The following DGKZ variants were observed in gnomAD, a reference collection of about 807,000 sequenced individuals.
DGKZ encodes the protein DAG kinase zeta.
In DGKZ, 45 loss-of-function variants were observed where a neutral mutation model predicts 142.5. The observed-to-expected ratio is 0.32, with a 90% CI of 0.25 to 0.40. The LOEUF (loss-of-function observed/expected upper bound fraction) is 0.40. Among genes scored for constraint, DGKZ ranks in the 10% least tolerant of loss-of-function variants. The pLI, the probability that DGKZ is intolerant of heterozygous loss-of-function variation, is 1.00. For missense variants in DGKZ, 755 were observed against 1,306.5 expected (o/e 0.58, Z 6.51); for synonymous variants, 442 against 527.0 (o/e 0.84, Z 2.21).
rs144108768 is a variant in DGKZ, at chr11:46,357,852, G to C, written c.162-9439G>C. ...CAGGTAGAGAGGGAGGCCAGTATTC[G>C]GGGCAGAAGGTGTGCCAGGTGCGGC... On this transcript the variant is annotated intron_variant, in intron 1 of 30. Transcript: ENST00000527911. 3.3e-5 allele frequency among the ~76,000 whole-genome samples: 5 copies of C among 152,354 alleles called. No homozygotes were observed. The South Asian group carries it at 1.0e-3, about 32-fold the overall frequency.
rs762898941 is a variant in DGKZ, at chr11:46,367,864, G to A, written c.366+117G>A. 9.2e-6 allele frequency: 14 copies of A among 1,513,814 alleles called. No individual in the cohort carries two copies. Among genetic ancestry groups the A allele is most frequent in the Non-Finnish European group, 9.1e-6 (10 of 1,093,528 alleles). 93.8% of individuals were successfully genotyped at this position (1,513,814 alleles called of 1,614,324 possible). ...CCCCTGCTGTGGGCCGCCCCAGGAT[G>A]GTGAGGGGTGCAGGGGCTTTGTCCG... On this transcript the variant is annotated intron_variant, in intron 3 of 30. Transcript: ENST00000527911. This position sits in a 1 kb window ranked among gnomAD's most constrained non-coding sequence, Gnocchi z 4.1.
chr11:46,370,095 G>T lies in DGKZ; in HGVS notation c.570+86G>T. On this transcript the variant is annotated intron_variant, in intron 6 of 30. Transcript: ENST00000527911. ...TGGCCGGTGTGGCCTGCCGATCACT[G>T]ACCACACCCTGGTGTGCAGAGTCCG... 1.9e-6 allele frequency: 3 copies of T among 1,542,296 alleles called. No homozygotes were observed. The South Asian group carries it at 3.4e-5, about 17-fold the overall frequency.
rs200788590 is a variant in DGKZ at position 46,368,091 on chromosome 11, G to C, written c.444+12G>C. On this transcript the variant is annotated intron_variant, in intron 4 of 30. Transcript: ENST00000527911. ...AGCAGCTGGAGAAGGTGGGTGGGTA[G>C]CTCAGCTTTGCCCGCCCCTGCCCTT... The C allele has an allele frequency of 5.0e-6, 8 of 1,613,942 alleles. No homozygotes were observed. In the African/African-American group the frequency reaches 9.3e-5, roughly 19 times the overall value.
chr11:46,366,345 C>T, intron 1 of DGKZ: 1 of 1,548,420 alleles, frequency 6.5e-7, no homozygotes, highest in Admixed American at 1.9e-5. Flanking sequence ...GGGCTGCCCA[C>T]AGGCAAGGCC....
upstream of DGKZ, among the ~76,000 whole-genome samples, chr11:46,342,672 A>G (rs547293175): frequency 6.6e-6 from 1 of 152,330 alleles, no homozygotes; most frequent in East Asian, 1.9e-4. Context: ...CCTTGGGGGC[A>G]TTACATGGCC....
chr11:46,366,338 C>A, intron 1 of DGKZ: 1 of 1,559,276 alleles, frequency 6.4e-7, no homozygotes, highest in Non-Finnish European at 8.6e-7. Flanking sequence ...CAGCGTGGGG[C>A]TGCCCACAGG....
intron 1 of DGKZ, among the ~76,000 whole-genome samples, chr11:46,355,269 C>T (rs1055607887): frequency 9.9e-5 from 15 of 152,110 alleles, no homozygotes; most frequent in African/African-American, 3.1e-4. Context: ...CCACCACGCC[C>T]GGCTAATTTT....
At chr11:46,333,205 C>T in exon 1 of DGKZ, 2 of 1,200,536 alleles carry the variant, frequency 1.7e-6, no homozygotes, top group Non-Finnish European at 2.1e-6. Context: ...CCGGCCCGGG[C>T]GGACTGGAGA....
At chr11:46,334,732 C>T (rs952493361) in intron 1 of DGKZ, among the ~76,000 whole-genome samples, 5 of 152,306 alleles carry the variant, frequency 3.3e-5, no homozygotes, top group East Asian at 1.9e-4. Flanking sequence ...TCTTCCAGAA[C>T]ACCACGCCCA....
intron 1 of DGKZ, among the ~76,000 whole-genome samples, chr11:46,339,334 A>G (rs1393515305): frequency 1.3e-5 from 2 of 152,266 alleles, no homozygotes; most frequent in South Asian, 4.1e-4. Context: ...TCCTGAATTA[A>G]CAATGCAAAA....
At chr11:46,339,290 G>A (rs980291845) in intron 1 of DGKZ, among the ~76,000 whole-genome samples, 7 of 152,354 alleles carry the variant, frequency 4.6e-5, no homozygotes, top group East Asian at 1.9e-4. Flanking sequence ...ATAGCAACAG[G>A]ATAAAGCAAG....
chr11:46,357,105 T>A (rs185868255), intron 1 of DGKZ, among the ~76,000 whole-genome samples: 2 of 152,198 alleles, frequency 1.3e-5, no homozygotes, highest in East Asian at 1.9e-4. Context: ...AGGAATGGGT[T>A]GGTCATTTGT....
intron 5 of DGKZ, 83 bp from the exon 6 acceptor site, chr11:46,369,858 G>C: frequency 3.4e-6 from 5 of 1,459,242 alleles, no homozygotes; most frequent in Non-Finnish European, 4.8e-6. Context: ...CTGCAGCCCC[G>C]TGTGTTGAGC....
chr11:46,374,856 C>T lies in DGKZ; in HGVS notation c.1598+17C>T, dbSNP rs187405755. 7 of 1,585,214 alleles carry T rather than the reference C, an allele frequency of 4.4e-6. No individual in the cohort carries two copies. Among genetic ancestry groups the T allele is most frequent in the East Asian group, 2.2e-5 (1 of 44,468 alleles). On this transcript the variant is annotated intron_variant, in intron 18 of 30. Transcript: ENST00000527911. ...CATCCCCAGGTGAGGAGGGGGCTAC[C>T]GGAGCTGGGGGGAGCCCTGCTGTCC...
upstream of DGKZ, chr11:46,345,578 C>T (rs891235996): frequency 4.0e-5 from 61 of 1,524,758 alleles, no homozygotes; most frequent in Non-Finnish European, 5.3e-5. This position sits in a 1 kb window ranked among gnomAD's most constrained non-coding sequence, Gnocchi z 4.1. Context: ...AGAGGCACCC[C>T]AGACACAGTA....
intron 1 of DGKZ, among the ~76,000 whole-genome samples, chr11:46,340,843 C>T (rs930311633): frequency 1.3e-5 from 2 of 152,202 alleles, no homozygotes; most frequent in African/African-American, 4.8e-5. Context: ...GGGAGGCATG[C>T]ACTTAAACTT....
At chr11:46,370,468 T>C (rs1017131790) in intron 6 of DGKZ, among the ~76,000 whole-genome samples, 1 of 152,222 alleles carries the variant, frequency 6.6e-6, no homozygotes, top group Non-Finnish European at 1.5e-5. Flanking sequence ...AAGTGCAGGC[T>C]CTCAAAGATG....
chr11:46,379,374 G>T, intron 29 of DGKZ, 95 bp from the exon 30 acceptor site: 6 of 1,568,446 alleles, frequency 3.8e-6, no homozygotes, highest in Non-Finnish European at 5.2e-6. Context: ...TTGCCCCAGA[G>T]CCCTGAACTT....
chr11:46,366,180 C>G (rs969450341), intron 1 of DGKZ: 2 of 1,439,290 alleles, frequency 1.4e-6, no homozygotes, highest in Non-Finnish European at 1.8e-6. Flanking sequence ...GAATGGGCTC[C>G]CGGACACAGG....
Sources: gnomAD v4.1 joint callset for allele counts (sites outside exome capture counted in the v4.1 genomes callset) on GRCh38, gnomAD v4.1.1 for gene constraint, Gnocchi (gnomAD v3.1) non-coding constraint, MANE v1.5 for transcripts, NCBI Gene and HGNC (gene_info 2026-07-23, HGNC 2026-07-21) for gene names.